The following G3BP2 variants were observed in gnomAD, a reference collection of about 807,000 sequenced individuals.
The protein encoded by G3BP2 is ras GTPase-activating protein-binding protein 2.
A neutral mutation model predicts 56.7 loss-of-function variants in G3BP2; 11 were observed. The observed-to-expected ratio is 0.19, with a 90% CI of 0.12 to 0.32. G3BP2 has a LOEUF of 0.32. Ranked by LOEUF, G3BP2 falls within the 10% of genes least tolerant of loss-of-function variation. The probability of loss-of-function intolerance (pLI) is 1.00; values close to 1 mark genes in which losing one functional copy is unlikely to be tolerated. For missense variants in G3BP2, 340 were observed against 610.9 expected, an observed-to-expected ratio of 0.56 and a Z score of 4.67; for synonymous variants, 165 against 191.6, an observed-to-expected ratio of 0.86 and a Z score of 1.15.
chr4:75,661,723 T>C (rs1177106023), intron 2 of G3BP2: 7 of 511,364 alleles, frequency 1.4e-5, no homozygotes, highest in Admixed American at 3.5e-5. Flanking sequence ...ATGTGTTATG[T>C]ACCAGAATAT....
At chr4:75,713,637 A>G (rs573684597) in intron 3 of G3BP2, among the ~76,000 whole-genome samples, 1 of 152,234 alleles carries the variant, frequency 6.6e-6, no homozygotes, top group East Asian at 1.9e-4. Context: ...AAAATAAAAT[A>G]CATTAGTCAG....
chr4:75,688,254 G>T (rs1334518121), intron 3 of G3BP2, among the ~76,000 whole-genome samples: 1 of 151,838 alleles, frequency 6.6e-6, no homozygotes, highest in Non-Finnish European at 1.5e-5. Context: ...TGTTAACCTG[G>T]CTGGTCTCAA....
intron 3 of G3BP2, among the ~76,000 whole-genome samples, chr4:75,690,853 C>T (rs1003667402): frequency 1.1e-4 from 17 of 151,924 alleles, no homozygotes; most frequent in African/African-American, 3.6e-4. Flanking sequence ...TGTGAGCCAC[C>T]GTACCAGGGA....
At chr4:75,655,622 T>C (rs968741416) in intron 6 of G3BP2, 146 bp downstream of exon 6, 9 of 590,014 alleles carry the variant, frequency 1.5e-5, no homozygotes, top group Admixed American at 1.2e-4. Context: ...TCTTTCCAAA[T>C]TTCTTGCATA....
chr4:75,676,331 C>A (rs1733874628), upstream of G3BP2, among the ~76,000 whole-genome samples: 2 of 144,806 alleles, frequency 1.4e-5, no homozygotes, highest in Non-Finnish European at 3.0e-5. Context: ...AGCCAATTGC[C>A]AATAATTTTT....
At chr4:75,702,542 G>C (rs1242895733) in intron 3 of G3BP2, among the ~76,000 whole-genome samples, 1 of 152,160 alleles carries the variant, frequency 6.6e-6, no homozygotes, top group African/African-American at 2.4e-5. Flanking sequence ...TCTCTTGCTA[G>C]TCTATCTTTT....
At chr4:75,718,695 C>A (rs1406705282) in intron 3 of G3BP2, among the ~76,000 whole-genome samples, 1 of 152,174 alleles carries the variant, frequency 6.6e-6, no homozygotes, top group Admixed American at 6.5e-5. Flanking sequence ...ATCAGAACAT[C>A]TCAAACCTTA....
At chr4:75,712,587 T>C (rs1177288219) in intron 3 of G3BP2, among the ~76,000 whole-genome samples, 2 of 152,184 alleles carry the variant, frequency 1.3e-5, no homozygotes, top group African/African-American at 4.8e-5. Flanking sequence ...CATATGATTG[T>C]GTTTCTTTAT....
At chr4:75,674,718 A>ATTTTTT (rs71203842), upstream of G3BP2, among the ~76,000 whole-genome samples, 7 of 71,418 alleles carry the variant, frequency 9.8e-5, no homozygotes, top group African/African-American at 3.5e-4. Context: ...ATATATATAT[A>ATTTTTT]TTTTTTTTTT....
At chr4:75,704,318 T>C (rs1028787980) in intron 3 of G3BP2, among the ~76,000 whole-genome samples, 1 of 151,874 alleles carries the variant, frequency 6.6e-6, no homozygotes, top group Non-Finnish European at 1.5e-5. Flanking sequence ...CCGGACCTGT[T>C]TGTTTGGTTT....
intron 1 of G3BP2, among the ~76,000 whole-genome samples, chr4:75,668,799 T>C (rs549909550): frequency 6.6e-6 from 1 of 152,296 alleles, no homozygotes; most frequent in East Asian, 1.9e-4. Flanking sequence ...CCCTTGAAAA[T>C]CTTTCTACTC....
At chr4:75,677,857 T>A (rs890947215), upstream of G3BP2, among the ~76,000 whole-genome samples, 1 of 152,176 alleles carries the variant, frequency 6.6e-6, no homozygotes, top group Non-Finnish European at 1.5e-5. Context: ...TAATCTCCAA[T>A]GCAAAAGTAT....
Position 75,647,123 on chromosome 4 carries a change from G to A in G3BP2, c.963C>T (p.Asn321=). The A allele has an allele frequency of 6.3e-7, 1 of 1,599,288 alleles. No individual in the cohort carries two copies. The highest frequency in any genetic ancestry group is 8.6e-7 in the Non-Finnish European group (1 of 1,168,152). ...RGDMEQNDSD[N]RRIIRYPDSH... ...TATCTGGATAGCGAATTATTCTACG[G>A]TTGTCAGAGTCATTCTGTTCCATAT... The change falls in exon 10 of 12, where the codon AAC becomes AAT. Residue 321 remains asparagine (N), a synonymous_variant. Transcript: ENST00000359707.
At chr4:75,687,386 T>C (rs1718657379) in intron 3 of G3BP2, among the ~76,000 whole-genome samples, 1 of 152,208 alleles carries the variant, frequency 6.6e-6, no homozygotes, top group Non-Finnish European at 1.5e-5. Context: ...CCTTCCACCA[T>C]GATTGTGAGA....
chr4:75,683,704 G>A (rs1198813903), intron 3 of G3BP2, among the ~76,000 whole-genome samples: 1 of 152,110 alleles, frequency 6.6e-6, no homozygotes, highest in Admixed American at 6.6e-5. Context: ...GGTGAGTCCT[G>A]GCTGTGGAAG....
chr4:75,705,656 G>A (rs1350197758), intron 3 of G3BP2, among the ~76,000 whole-genome samples: 1 of 152,118 alleles, frequency 6.6e-6, no homozygotes, highest in African/African-American at 2.4e-5. Flanking sequence ...AAGGCATCAG[G>A]GCTGAGTAGT....
Position 75,642,955 on chromosome 4 carries a change from C to T in G3BP2, c.*2475G>A, listed in dbSNP as rs1019855550. 3.9e-5 allele frequency: 6 copies of T among 152,420 alleles called. No individual in the cohort carries two copies. Among genetic ancestry groups the T allele is most frequent in the Admixed American group, 3.3e-4 (5 of 15,258 alleles). The allele number at this position is 152,420 out of a possible 1,614,324, so 9.4% of individuals were successfully genotyped here. On this transcript the variant is annotated 3_prime_UTR_variant, in exon 12 of 12. Coordinates refer to ENST00000359707, the MANE Select transcript of G3BP2 (RefSeq NM_203505.3). Reference sequence around the variant, plus strand: ...CCATTGTCTTCTATACCTACTAAAGCCAAGATGGTAAAGCCAATTTGGTTG... The same window carrying T: ...CCATTGTCTTCTATACCTACTAAAGTCAAGATGGTAAAGCCAATTTGGTTG...
chr4:75,662,222 T>A (rs1732619036), intron 1 of G3BP2, 173 bp from the exon 2 acceptor site: 8 of 22,008 alleles, frequency 3.6e-4, no homozygotes. Context: ...CCTGAAATAA[T>A]TTTTTTTTTT....
intron 1 of G3BP2, among the ~76,000 whole-genome samples, chr4:75,663,227 C>G (rs1004444038): frequency 2.6e-5 from 4 of 152,166 alleles, no homozygotes; most frequent in Admixed American, 6.5e-5. Context: ...TTAAAACCAA[C>G]AAGAACAACT....
Sources: gnomAD v4.1 joint callset for allele counts (sites outside exome capture counted in the v4.1 genomes callset) on GRCh38, gnomAD v4.1.1 for gene constraint, MANE v1.5 for transcripts, NCBI Gene and HGNC (gene_info 2026-07-23, HGNC 2026-07-21) for gene names.